The following ALOX12B variants were observed in gnomAD, a reference collection of about 807,000 sequenced individuals.
The protein encoded by ALOX12B is arachidonate 12-lipoxygenase, 12R-type.
Under a neutral mutation model 78.9 loss-of-function variants are expected in ALOX12B, and 47 were observed. That is an observed-to-expected ratio of 0.60 (90% CI 0.47 to 0.76). The LOEUF is 0.76. Among genes scored for constraint, ALOX12B ranks in the 30% least tolerant of loss-of-function variants. The pLI is 0.00. For synonymous variants in ALOX12B, 370 were observed against 374.5 expected (o/e 0.99, Z 0.14); for missense variants, 805 against 922.6 (o/e 0.87, Z 1.65).
chr17:8,077,161 G>A lies in ALOX12B; in HGVS notation c.1104C>T (p.Ile368=). Residue 368 remains isoleucine (I), a synonymous_variant, in exon 9 of 15, where the codon ATC becomes ATT. Coordinates refer to ENST00000647874, the MANE Select transcript of ALOX12B (RefSeq NM_001139.3). ...LSQTPGPDCP[I]FLPSDSEWDW... Reference sequence around the variant, plus strand: ...CCCACTCAGAATCACTGGGCAGGAAGATGGGGCAATCTGGCCCAGGGGTCT... The same window carrying A: ...CCCACTCAGAATCACTGGGCAGGAAAATGGGGCAATCTGGCCCAGGGGTCT... 1.9e-6 allele frequency: 3 copies of A among 1,613,690 alleles called. No homozygotes were observed. The highest frequency in any genetic ancestry group is 2.5e-6 in the Non-Finnish European group (3 of 1,179,918).
chr17:8,084,019 G>C (rs976650317), intron 2 of ALOX12B, among the ~76,000 whole-genome samples: 1 of 152,034 alleles, frequency 6.6e-6, no homozygotes, highest in African/African-American at 2.4e-5. Flanking sequence ...TTAGCCGGGC[G>C]TGGTGGCACT....
At chr17:8,078,227 C>T (rs1977130080) in intron 8 of ALOX12B, among the ~76,000 whole-genome samples, 1 of 151,268 alleles carries the variant, frequency 6.6e-6, no homozygotes, top group Non-Finnish European at 1.5e-5. Context: ...CTCACTGCAA[C>T]CTCTGCCTCC....
At position 8,080,814 on chromosome 17, in the gene ALOX12B, G is replaced by T. The variant is rs759714303; in HGVS notation, c.528-34C>A. On this transcript the variant is annotated intron_variant, in intron 4 of 14. Coordinates refer to ENST00000647874, the MANE Select transcript of ALOX12B (RefSeq NM_001139.3). This position sits in a 1 kb window ranked among gnomAD's most constrained non-coding sequence, Gnocchi z 4.8. ...AGAAGCGCAGGGCAACTGGGATCCAGGGGGCGGGGAGGAGGCAGGCGCCCA... is the reference window on the plus strand; with the variant it reads ...AGAAGCGCAGGGCAACTGGGATCCATGGGGCGGGGAGGAGGCAGGCGCCCA... 3 of 1,614,086 alleles carry T rather than the reference G, an allele frequency of 1.9e-6. No individual in the cohort carries two copies. In the South Asian group the frequency reaches 3.3e-5, roughly 18 times the overall value.
At chr17:8,077,310 G>A (rs558570092) in intron 8 of ALOX12B, 117 bp from the exon 9 acceptor site, 18 of 1,000,106 alleles carry the variant, frequency 1.8e-5, no homozygotes, top group Middle Eastern at 4.7e-4. Context: ...CCTAAGCTCC[G>A]GTCCCACTGG....
chr17:8,075,758 C>G, intron 11 of ALOX12B, 42 bp from the exon 12 acceptor site: 2 of 1,614,046 alleles, frequency 1.2e-6, no homozygotes, highest in Non-Finnish European at 1.7e-6. Flanking sequence ...CTCCTCCCCT[C>G]CCACTCCTCA....
At chr17:8,076,460 G>C in intron 10 of ALOX12B, 116 bp from the exon 11 acceptor site, 2 of 1,348,384 alleles carry the variant, frequency 1.5e-6, no homozygotes, top group South Asian at 1.3e-5. Context: ...CCCACCTCCA[G>C]GAACAATCCT....
intron 13 of ALOX12B, 87 bp from the exon 14 acceptor site, chr17:8,073,405 C>A: frequency 6.4e-7 from 1 of 1,563,960 alleles, no homozygotes; most frequent in South Asian, 1.1e-5. Flanking sequence ...GCCCTCCAGT[C>A]GCTGAGATGG....
At chr17:8,075,384 G>A (rs1171447348) in intron 12 of ALOX12B, among the ~76,000 whole-genome samples, 1 of 152,186 alleles carries the variant, frequency 6.6e-6, no homozygotes, top group Non-Finnish European at 1.5e-5. Context: ...GGGACCCATT[G>A]CCAGCCATGT....
intron 12 of ALOX12B, among the ~76,000 whole-genome samples, chr17:8,073,987 C>T (rs1050032177): frequency 1.3e-5 from 2 of 152,192 alleles, no homozygotes; most frequent in Admixed American, 6.5e-5. Flanking sequence ...CAGGGCTGCT[C>T]CTGGCCCCTG....
intron 2 of ALOX12B, 68 bp from the exon 3 acceptor site, chr17:8,081,255 T>G: frequency 6.5e-7 from 1 of 1,531,310 alleles, no homozygotes; most frequent in Non-Finnish European, 9.0e-7. Flanking sequence ...GAAGCAGGAG[T>G]TCAGCTTCTG....
chr17:8,087,671 G>A lies in ALOX12B; in HGVS notation c.-229C>T, dbSNP rs941353109. On this transcript the variant is annotated 5_prime_UTR_variant, in exon 1 of 15. Coordinates refer to ENST00000647874, the MANE Select transcript of ALOX12B (RefSeq NM_001139.3). ...TGGGTGCCGGGCAGGCCCAGGCGGA[G>A]CCCAGCTGGTGGTGAGTGAGCAGGT... The A allele has an allele frequency of 4.2e-5, 27 of 646,630 alleles. No individual in the cohort carries two copies. Among genetic ancestry groups the A allele is most frequent in the Non-Finnish European group, 7.1e-5 (27 of 377,944 alleles). The allele number at this position is 646,630 out of a possible 1,614,324, so 40.1% of individuals were successfully genotyped here. A position where few individuals can be genotyped will look rare whatever the true frequency, so the allele number is the denominator to read the frequency against.
At position 8,079,679 on chromosome 17, in the gene ALOX12B, C is replaced by G. The variant is rs948579019; in HGVS notation, c.927+90G>C. The G allele has an allele frequency of 6.5e-7, 1 of 1,545,120 alleles. No individual in the cohort carries two copies. Among genetic ancestry groups the G allele is most frequent in the Non-Finnish European group, 8.7e-7 (1 of 1,144,084 alleles). On this transcript the variant is annotated intron_variant, in intron 7 of 14. Coordinates refer to ENST00000647874, the MANE Select transcript of ALOX12B (RefSeq NM_001139.3). The surrounding 1 kb of genome is among the most constrained non-coding windows in gnomAD (Gnocchi z 6.4). The stretch of plus-strand genomic sequence containing the variant: ...ACGCGGGGTGCGGGCTTGCCTGGGA[C>G]TGGCGCGGGCGCCGGAGGTGGGGAG...
chr17:8,085,598 C>A (rs76144093), intron 2 of ALOX12B, among the ~76,000 whole-genome samples: 1 of 152,138 alleles, frequency 6.6e-6, no homozygotes, highest in East Asian at 1.9e-4. Flanking sequence ...AGTAACAGGG[C>A]GTCTTTCTGG....
chr17:8,080,239 G>T lies in ALOX12B; in HGVS notation c.750C>A (p.Val250=), dbSNP rs762729933. The T allele has an allele frequency of 6.2e-7, 1 of 1,614,118 alleles. No homozygotes were observed. Among genetic ancestry groups the T allele is most frequent in the East Asian group, 2.2e-5 (1 of 44,884 alleles). The change falls in exon 6 of 15, where the codon GTC becomes GTA. Residue 250 remains valine, a synonymous_variant. Transcript: ENST00000647874. This position sits in a 1 kb window ranked among gnomAD's most constrained non-coding sequence, Gnocchi z 4.8. The part of the protein sequence containing the change: ...RKIFPGKKSV[V]SEYVAEHWAE... ...CCGGGACGCCCCATTCCATACCGGA[G>T]ACGACAGATTTCTTGCCAGGGAAAA...
At chr17:8,073,000 T>A in intron 14 of ALOX12B, 50 bp from the exon 15 acceptor site, 1 of 1,595,328 alleles carries the variant, frequency 6.3e-7, no homozygotes, top group Non-Finnish European at 8.6e-7. Flanking sequence ...CAGCACCCCC[T>A]CCTCCTGCCG....
At position 8,073,607 on chromosome 17, in the gene ALOX12B, TAGA is replaced by T; in HGVS notation, c.1755+47_1755+49del. ...TTGAGGTTGGGGCATGGACGAAATTTAGAAGGTCTGAGCCTCGGGCTGGGCCTG... is the reference window on the plus strand; with the variant it reads ...TTGAGGTTGGGGCATGGACGAAATTTAGGTCTGAGCCTCGGGCTGGGCCTG... On this transcript the variant is annotated intron_variant, in intron 13 of 14. Transcript: ENST00000647874. 3.2e-6 allele frequency: 5 copies of T among 1,548,192 alleles called. No individual in the cohort carries two copies. In the South Asian group the frequency reaches 4.5e-5, roughly 14 times the overall value.
chr17:8,073,633 C>G (rs1314407083), intron 13 of ALOX12B, 24 bp downstream of exon 13: 2 of 1,607,116 alleles, frequency 1.2e-6, no homozygotes, highest in African/African-American at 2.7e-5. Flanking sequence ...CGGGCTGGGC[C>G]TGGGTTGGTG....
Position 8,072,651 on chromosome 17 carries a change from TG to T in ALOX12B, c.*119del. ...CAGACCCAGGGAAAGGAAGGTTTTTTGTTTTTTTGTTTGTTTGGTGTTTTGG... is the reference window on the plus strand; with the variant it reads ...CAGACCCAGGGAAAGGAAGGTTTTTTTTTTTTTGTTTGTTTGGTGTTTTGG... On this transcript the variant is annotated 3_prime_UTR_variant, in exon 15 of 15. Transcript: ENST00000647874. The T allele has an allele frequency of 4.9e-6, 7 of 1,427,828 alleles. No homozygotes were observed. The highest frequency in any genetic ancestry group is 4.9e-6 in the Non-Finnish European group (5 of 1,022,788). The allele number at this position is 1,427,828 out of a possible 1,614,324, so 88.4% of individuals were successfully genotyped here.
rs1256039983 is a variant in ALOX12B at position 8,072,689 on chromosome 17, TTTG to T, written c.*79_*81del. On this transcript the variant is annotated 3_prime_UTR_variant, in exon 15 of 15. Coordinates refer to ENST00000647874, the MANE Select transcript of ALOX12B (RefSeq NM_001139.3). ...GTTTGGTGTTTTGGTCTCTGAGGTT[TTTG>T]TGTTTTTTGCTTGTTTGTTTTGTTT... 18 of 1,571,932 alleles carry T rather than the reference TTTG, an allele frequency of 1.1e-5. No homozygotes were observed. Among genetic ancestry groups the T allele is most frequent in the Non-Finnish European group, 1.3e-5 (15 of 1,143,024 alleles).
Sources: allele counts gnomAD v4.1 joint callset (sites outside exome capture counted in the v4.1 genomes callset), GRCh38; gene constraint gnomAD v4.1.1; non-coding constraint Gnocchi (gnomAD v3.1); transcripts MANE v1.5; gene names NCBI Gene and HGNC (gene_info 2026-07-23, HGNC 2026-07-21).